Variants in SLCO5A1 observed in about 807,000 individuals in gnomAD.
The protein encoded by SLCO5A1 is solute carrier organic anion transporter family member 5A1.
SLCO5A1 carries 39 observed loss-of-function variants against 65.1 expected under a neutral mutation model. The observed-to-expected ratio is 0.60, with a 90% CI of 0.46 to 0.78. The LOEUF (loss-of-function observed/expected upper bound fraction) is 0.78. Among genes scored for constraint, SLCO5A1 ranks in the 30% least tolerant of loss-of-function variants. SLCO5A1 has a pLI of 0.00. For missense variants in SLCO5A1, 1,029 were observed against 1,069.4 expected (o/e 0.96, Z 0.53); for synonymous variants, 438 against 415.7 (o/e 1.05, Z -0.65).
At chr8:69,791,755 C>T (rs543204649) in intron 2 of SLCO5A1, among the ~76,000 whole-genome samples, 3 of 152,310 alleles carry the variant, frequency 2.0e-5, no homozygotes, top group South Asian at 2.1e-4. Flanking sequence ...ATTTTACTAA[C>T]TGAAGCATTA....
In SLCO5A1 at chr8:69,668,778, G is replaced by C. The variant is rs1365371028; in HGVS notation, c.*4091C>G. The C allele has an allele frequency of 1.3e-5, 2 of 152,104 alleles. No homozygotes were observed. The highest frequency in any genetic ancestry group is 2.9e-5 in the Non-Finnish European group (2 of 68,018). The allele number at this position is 152,104 out of a possible 1,614,324, so 9.4% of individuals were successfully genotyped here. A position where few individuals can be genotyped will look rare whatever the true frequency, so the allele number is the denominator to read the frequency against. The stretch of plus-strand genomic sequence containing the variant: ...CATGGAGGACCACCATGACATCCAT[G>C]AGGCCTTACTCCATGTAACTCCCCC... On this transcript the variant is annotated 3_prime_UTR_variant, in exon 10 of 10. Coordinates refer to ENST00000260126, the MANE Select transcript of SLCO5A1 (RefSeq NM_030958.3).
chr8:69,800,967 G>A (rs963552946), intron 2 of SLCO5A1, among the ~76,000 whole-genome samples: 2 of 152,170 alleles, frequency 1.3e-5, no homozygotes, highest in African/African-American at 4.8e-5. Flanking sequence ...CCCAGAATGA[G>A]GAGAACCCAC....
intron 2 of SLCO5A1, among the ~76,000 whole-genome samples, chr8:69,819,027 G>A (rs999117532): frequency 1.3e-5 from 2 of 151,862 alleles, no homozygotes; most frequent in South Asian, 2.1e-4. Flanking sequence ...AGGATTTTTT[G>A]TGGTTTACAG....
At chr8:69,677,361 G>A (rs1474745799) in intron 8 of SLCO5A1, among the ~76,000 whole-genome samples, 1 of 152,140 alleles carries the variant, frequency 6.6e-6, no homozygotes, top group Non-Finnish European at 1.5e-5. Context: ...CTGGCGATTT[G>A]CCATTTATGA....
rs1813219599 is a variant in SLCO5A1, at chr8:69,667,616, CAAT to C, written c.*5250_*5252del. 6.6e-6 allele frequency: 1 copy of C among 152,064 alleles called. No individual in the cohort carries two copies. 9.4% of individuals were successfully genotyped at this position (152,064 alleles called of 1,614,324 possible). A position where few individuals can be genotyped will look rare whatever the true frequency, so the allele number is the denominator to read the frequency against. On this transcript the variant is annotated 3_prime_UTR_variant, in exon 10 of 10. Coordinates refer to ENST00000260126, the MANE Select transcript of SLCO5A1 (RefSeq NM_030958.3). ...TGTGTCCCTGCAATTACTTTAGTTTCAATAATATTTTCTCCTTCAATTTTAACA... is the reference window on the plus strand; with the variant it reads ...TGTGTCCCTGCAATTACTTTAGTTTCAATATTTTCTCCTTCAATTTTAACA...
At chr8:69,774,666 G>C (rs888674684) in intron 2 of SLCO5A1, among the ~76,000 whole-genome samples, 3 of 152,184 alleles carry the variant, frequency 2.0e-5, no homozygotes, top group African/African-American at 2.4e-5. Flanking sequence ...TCCAGTCTCA[G>C]GGTCTGGGAC....
intron 2 of SLCO5A1, among the ~76,000 whole-genome samples, chr8:69,826,863 C>T (rs984977039): frequency 6.6e-6 from 1 of 152,058 alleles, no homozygotes; most frequent in African/African-American, 2.4e-5. Context: ...TTTATTGTGG[C>T]ACTATTCACA....
rs1039303492 is a variant in SLCO5A1, at chr8:69,831,909, C to A, written c.765G>T (p.Ser255=). 1.1e-5 allele frequency: 17 copies of A among 1,608,520 alleles called. No individual in the cohort carries two copies. The Admixed American group carries it at 1.2e-4, about 11-fold the overall frequency. The change falls in exon 2 of 10, where the codon TCG becomes TCT. Residue 255 remains serine, a synonymous_variant. Transcript: ENST00000260126. ...TLEPPACPKD[S]GGNNHWVYVA... The stretch of plus-strand genomic sequence containing the variant: ...CGTAGACCCAGTGATTATTTCCTCC[C>A]GAGTCCTTCGGACAGGCCGGAGGCT...
At chr8:69,721,824 G>T (rs1441212145) in intron 5 of SLCO5A1, among the ~76,000 whole-genome samples, 1 of 152,100 alleles carries the variant, frequency 6.6e-6, no homozygotes, top group Admixed American at 6.5e-5. Context: ...CCCCCTTATT[G>T]TCTTCGATCC....
At chr8:69,679,303 G>A (rs1813669158) in intron 8 of SLCO5A1, 75 bp downstream of exon 8, 3 of 1,575,952 alleles carry the variant, frequency 1.9e-6, no homozygotes, top group South Asian at 2.3e-5. Context: ...TACCACATAA[G>A]CCCCTTGTCC....
intron 4 of SLCO5A1, among the ~76,000 whole-genome samples, chr8:69,741,675 C>G (rs1327313335): frequency 6.6e-6 from 1 of 152,214 alleles, no homozygotes; most frequent in African/African-American, 2.4e-5. Flanking sequence ...CTATATGTCT[C>G]TGCTCCTATG....
intron 4 of SLCO5A1, among the ~76,000 whole-genome samples, chr8:69,744,719 C>T (rs1227928499): frequency 6.6e-6 from 1 of 152,176 alleles, no homozygotes; most frequent in Non-Finnish European, 1.5e-5. Flanking sequence ...TATTATATCA[C>T]TGCAATAATT....
At chr8:69,699,788 A>G (rs546244527) in intron 6 of SLCO5A1, among the ~76,000 whole-genome samples, 34 of 152,372 alleles carry the variant, frequency 2.2e-4, no homozygotes, top group African/African-American at 8.2e-4. Flanking sequence ...GGTTAGAAAC[A>G]AGGGACATTC....
In SLCO5A1 at chr8:69,832,805, C is replaced by T; in HGVS notation, c.-132G>A. The T allele has an allele frequency of 9.3e-7, 1 of 1,076,818 alleles. No individual in the cohort carries two copies. The highest frequency in any genetic ancestry group is 1.6e-5 in the South Asian group (1 of 61,662). The allele number at this position is 1,076,818 out of a possible 1,614,324, so 66.7% of individuals were successfully genotyped here. On this transcript the variant is annotated 5_prime_UTR_variant, in exon 2 of 10. Coordinates refer to ENST00000260126, the MANE Select transcript of SLCO5A1 (RefSeq NM_030958.3). This position sits in a 1 kb window ranked among gnomAD's most constrained non-coding sequence, Gnocchi z 4.5. The stretch of plus-strand genomic sequence containing the variant: ...GGGACTGGGGCTGGGGGCGCAGGGC[C>T]GCGCAGCAGGGCATCCTCACCAGCT...
chr8:69,810,244 A>C (rs1334323625), intron 2 of SLCO5A1, among the ~76,000 whole-genome samples: 1 of 152,206 alleles, frequency 6.6e-6, no homozygotes, highest in Non-Finnish European at 1.5e-5. Flanking sequence ...ATCCAAGGAA[A>C]TAGTGCACTA....
chr8:69,705,196 A>G lies in SLCO5A1; in HGVS notation c.1457T>C (p.Ile486Thr), dbSNP rs1814915565. 6.2e-7 allele frequency: 1 copy of G among 1,614,190 alleles called. No homozygotes were observed. The highest frequency in any genetic ancestry group is 2.2e-5 in the East Asian group (1 of 44,880). ...TTTTATAATGTAGCCTCCGAGGACAATACCAACACCAGCACTGGGGACGAT... is the reference window on the plus strand; with the variant it reads ...TTTTATAATGTAGCCTCCGAGGACAGTACCAACACCAGCACTGGGGACGAT... ...VIIVPSAGVG[I>T]VLGGYIIKKL... The change falls in exon 6 of 10, where the codon ATT becomes ACT. Residue 486 changes from isoleucine (I) to threonine (T), a missense_variant. Ile to Thr is a moderately conservative substitution (Grantham distance 89). Around this residue, in one of 3 missense-constraint regions of SLCO5A1, gnomAD observed 647 missense variants for 647.5 expected, o/e 1.00. Transcript: ENST00000260126.
rs1436736782 is a variant in SLCO5A1, at chr8:69,832,180, G to T, written c.494C>A (p.Ser165Tyr). ...TIERRYSLKS[S>Y]ESGLLVSCFD... ...GCAGCTGACCAGCAGCCCCGACTCG[G>T]AACTCTTCAGACTGTAGCGCCTTTC... Residue 165 changes from serine to tyrosine, a missense_variant, in exon 2 of 10, where the codon TCC (serine) becomes TAC (tyrosine). This residue lies in a region of SLCO5A1 where 647 missense variants were observed against 647.5 expected (regional missense o/e 1.00). Transcript: ENST00000260126. This position sits in a 1 kb window ranked among gnomAD's most constrained non-coding sequence, Gnocchi z 4.5. 1 of 1,614,080 alleles carries T rather than the reference G, an allele frequency of 6.2e-7. No individual in the cohort carries two copies. Among genetic ancestry groups the T allele is most frequent in the African/African-American group, 1.3e-5 (1 of 74,928 alleles).
At position 69,691,982 on chromosome 8, in the gene SLCO5A1, C is replaced by T. The variant is rs1218604112; in HGVS notation, c.1623-9639G>A. 2.0e-5 allele frequency among the ~76,000 whole-genome samples: 3 copies of T among 152,232 alleles called. No individual in the cohort carries two copies. The East Asian group carries it at 5.8e-4, about 29-fold the overall frequency. On this transcript the variant is annotated intron_variant, in intron 6 of 9. Coordinates refer to ENST00000260126, the MANE Select transcript of SLCO5A1 (RefSeq NM_030958.3). ...TAAAGTATAAGGCCGGACGCGGTGG[C>T]TCACGCCTGTAATCCCAGCACTTTG...
chr8:69,703,986 A>G (rs1814859564), intron 6 of SLCO5A1, among the ~76,000 whole-genome samples: 1 of 152,214 alleles, frequency 6.6e-6, no homozygotes, highest in African/African-American at 2.4e-5. Context: ...TTCAGGGTCG[A>G]CAAGTTGGTG....
Sources: gnomAD v4.1 joint callset for allele counts (sites outside exome capture counted in the v4.1 genomes callset) on GRCh38, gnomAD v4.1.1 for gene constraint, gnomAD v4.1.1 regional missense constraint, Gnocchi (gnomAD v3.1) non-coding constraint, MANE v1.5 for transcripts, NCBI Gene and HGNC (gene_info 2026-07-23, HGNC 2026-07-21) for gene names.